Variants in GRIK2 observed in about 807,000 individuals in gnomAD.
The protein encoded by GRIK2 is glutamate ionotropic receptor kainate type subunit 2, also known as glutamate receptor ionotropic, kainate 2.
A neutral mutation model predicts 100.3 loss-of-function variants in GRIK2; 32 were observed. That is an observed-to-expected ratio of 0.32 (90% CI 0.24 to 0.43). The LOEUF (loss-of-function observed/expected upper bound fraction) is 0.43. GRIK2 is among the 20% of genes least tolerant of loss of function. The pLI, the probability that GRIK2 is intolerant of heterozygous loss-of-function variation, is 1.00. For synonymous variants in GRIK2, 417 were observed against 389.4 expected, an observed-to-expected ratio of 1.07 and a Z score of -0.83; for missense variants, 843 against 1,114.9, an observed-to-expected ratio of 0.76 and a Z score of 3.47.
intron 14 of GRIK2, among the ~76,000 whole-genome samples, chr6:102,014,631 A>T (rs1034992716): frequency 6.6e-6 from 1 of 152,056 alleles, no homozygotes; most frequent in Non-Finnish European, 1.5e-5. Flanking sequence ...CTGGCATGTT[A>T]TATCTTTGTT....
intron 2 of GRIK2, among the ~76,000 whole-genome samples, chr6:101,408,197 C>T (rs769829847): frequency 6.6e-6 from 1 of 152,104 alleles, no homozygotes; most frequent in Non-Finnish European, 1.5e-5. Context: ...GTGTTGCTTA[C>T]ATTTTATGAA....
chr6:101,484,609 T>C (rs1298239570), intron 2 of GRIK2, among the ~76,000 whole-genome samples: 2 of 151,726 alleles, frequency 1.3e-5, no homozygotes, highest in Non-Finnish European at 2.9e-5. Context: ...ATGTCTGATA[T>C]GAGGAAATGT....
chr6:101,434,032 G>A (rs987191567), intron 2 of GRIK2, among the ~76,000 whole-genome samples: 7 of 152,308 alleles, frequency 4.6e-5, no homozygotes, highest in South Asian at 4.1e-4. Flanking sequence ...ACTGTAGCCC[G>A]CTGACACGGG....
chr6:101,823,641 C>G (rs1363326315), intron 10 of GRIK2, among the ~76,000 whole-genome samples: 1 of 151,750 alleles, frequency 6.6e-6, no homozygotes, highest in East Asian at 1.9e-4. Context: ...AATATGAGTT[C>G]CTAATTGTCA....
intron 2 of GRIK2, among the ~76,000 whole-genome samples, chr6:101,580,647 A>C (rs1778032323): frequency 6.6e-6 from 1 of 152,052 alleles, no homozygotes; most frequent in Admixed American, 6.6e-5. Flanking sequence ...AGCACCTCTA[A>C]GGCCCTAACT....
At position 101,430,966 on chromosome 6, in the gene GRIK2, T is replaced by C. The variant is rs149270931; in HGVS notation, c.115+31574T>C. On this transcript the variant is annotated intron_variant, in intron 2 of 16. Coordinates refer to ENST00000369134, the MANE Select transcript of GRIK2 (RefSeq NM_021956.5). ...TAGGGAAAGGCATAGCCCTCAAAGA[T>C]GGCACTGTGTAAGTGACCCCATCTC... 956 of 292,780 alleles carry C rather than the reference T, an allele frequency of 3.3e-3. 5 individuals carry two copies. The highest frequency in any genetic ancestry group is 0.02 in the African/African-American group (906 of 44,874). 18.1% of individuals were successfully genotyped at this position (292,780 alleles called of 1,614,324 possible).
In GRIK2 at chr6:101,775,754, G is replaced by A. The variant is rs543397722; in HGVS notation, c.952-23894G>A. On this transcript the variant is annotated intron_variant, in intron 7 of 16. Coordinates refer to ENST00000369134, the MANE Select transcript of GRIK2 (RefSeq NM_021956.5). ...GATACAGATTTCTTCATATATATAT[G>A]GAAACAATATATATATGTGTGTATA... 1.8e-3 allele frequency among the ~76,000 whole-genome samples: 271 copies of A among 150,166 alleles called. 3 individuals carry two copies. The highest frequency in any genetic ancestry group is 6.1e-3 in the African/African-American group (251 of 40,886).
chr6:101,430,944 G>C (rs1769348206), intron 2 of GRIK2: 1 of 316,566 alleles, frequency 3.2e-6, no homozygotes, highest in South Asian at 3.9e-5. Flanking sequence ...GATGGCCTAG[G>C]GAAAGGCATA....
intron 11 of GRIK2, among the ~76,000 whole-genome samples, chr6:101,872,583 A>G (rs899787734): frequency 1.3e-5 from 2 of 151,812 alleles, no homozygotes; most frequent in African/African-American, 2.4e-5. Flanking sequence ...TTGGGTGGGG[A>G]CACAGCCAAA....
At chr6:101,916,843 ATTAT>A (rs2128467613) in intron 12 of GRIK2, among the ~76,000 whole-genome samples, 1 of 151,800 alleles carries the variant, frequency 6.6e-6, no homozygotes, top group South Asian at 2.1e-4. Context: ...TCAATAGTTT[ATTAT>A]TTAAATTTGC....
chr6:101,907,993 T>G (rs1788361027), intron 12 of GRIK2, among the ~76,000 whole-genome samples: 1 of 151,564 alleles, frequency 6.6e-6, no homozygotes. Context: ...TCTGTAAGAA[T>G]GAAGAGCACA....
chr6:101,928,679 C>A (rs754030600), intron 14 of GRIK2, 47 bp downstream of exon 14: 2 of 913,034 alleles, frequency 2.2e-6, no homozygotes, highest in Non-Finnish European at 3.7e-6. Flanking sequence ...AATGATAGAG[C>A]GCAAACTTCT....
In GRIK2 at chr6:101,767,110, A is replaced by G. The variant is rs192388415; in HGVS notation, c.952-32538A>G. Among the ~76,000 whole-genome samples, 117 of 152,338 alleles carry G rather than the reference A, an allele frequency of 7.7e-4. 1 individual carries two copies. Among genetic ancestry groups the G allele is most frequent in the African/African-American group, 2.5e-3 (105 of 41,582 alleles). On this transcript the variant is annotated intron_variant, in intron 7 of 16. Coordinates refer to ENST00000369134, the MANE Select transcript of GRIK2 (RefSeq NM_021956.5). Reference sequence around the variant, plus strand: ...GTAACTCAGGTAAACATTGAATACTATCTAGAATTCAGAAGAAATAACTGC... The same window carrying G: ...GTAACTCAGGTAAACATTGAATACTGTCTAGAATTCAGAAGAAATAACTGC...
At position 101,697,752 on chromosome 6, in the gene GRIK2, C is replaced by A. The variant is rs566782575; in HGVS notation, c.951+11399C>A. Among the ~76,000 whole-genome samples, 85 of 152,038 alleles carry A rather than the reference C, an allele frequency of 5.6e-4. 1 individual carries two copies. The highest frequency in any genetic ancestry group is 2.0e-3 in the African/African-American group (81 of 41,504). ...TTGAAAACAGTCTGCTTATTCCTTC[C>A]TTTGTAAACTTCTGCTAACAGTTTA... On this transcript the variant is annotated intron_variant, in intron 7 of 16. Transcript: ENST00000369134.
intron 11 of GRIK2, among the ~76,000 whole-genome samples, chr6:101,866,305 A>G (rs755610562): frequency 3.3e-5 from 5 of 152,172 alleles, no homozygotes; most frequent in African/African-American, 9.6e-5. Flanking sequence ...TTCTACTGAT[A>G]AACATTCAAA....
At chr6:102,031,015 AG>A (rs35865347) in intron 14 of GRIK2, among the ~76,000 whole-genome samples, 1 of 150,206 alleles carries the variant, frequency 6.7e-6, no homozygotes, top group African/African-American at 2.4e-5. Context: ...CCAGAAACCA[AG>A]GACTTGTTCA....
Position 101,541,376 on chromosome 6 carries a change from C to CACACACACACA in GRIK2, c.116-80573_116-80572insACACACACACA, listed in dbSNP as rs775232963. The stretch of plus-strand genomic sequence containing the variant: ...AGATGTTACACCCCAGCGCACACAA[C>CACACACACACA]CACACACACACACACACACACACAC... On this transcript the variant is annotated intron_variant, in intron 2 of 16. Coordinates refer to ENST00000369134, the MANE Select transcript of GRIK2 (RefSeq NM_021956.5). 7.7e-3 allele frequency among the ~76,000 whole-genome samples: 43 copies of CACACACACACA among 5,602 alleles called. 1 individual carries two copies. Among genetic ancestry groups the CACACACACACA allele is most frequent in the Admixed American group, 0.017 (7 of 424 alleles). The allele number at this position is 5,602 out of a possible 152,430, so 3.7% of individuals were successfully genotyped here. A position where few individuals can be genotyped will look rare whatever the true frequency, so the allele number is the denominator to read the frequency against.
chr6:101,717,610 A>G (rs1484409628), intron 7 of GRIK2, among the ~76,000 whole-genome samples: 1 of 151,822 alleles, frequency 6.6e-6, no homozygotes, highest in Non-Finnish European at 1.5e-5. Context: ...CAAGACATGT[A>G]TGTACTAGCT....
chr6:101,609,684 A>T (rs965641019), intron 2 of GRIK2, among the ~76,000 whole-genome samples: 6 of 151,990 alleles, frequency 3.9e-5, no homozygotes, highest in South Asian at 2.1e-4. Flanking sequence ...GATTCTCCAA[A>T]CATTTATTAA....
Sources: gnomAD v4.1 joint callset for allele counts (sites outside exome capture counted in the v4.1 genomes callset) on GRCh38, gnomAD v4.1.1 for gene constraint, MANE v1.5 for transcripts, NCBI Gene and HGNC (gene_info 2026-07-23, HGNC 2026-07-21) for gene names.